The following MYO9A variants were observed in gnomAD, a reference collection of about 807,000 sequenced individuals.
MYO9A encodes myosin IXA.
MYO9A carries 103 observed loss-of-function variants against 293.3 expected under a neutral mutation model. The observed-to-expected ratio is 0.35, with a 90% confidence interval of 0.30 to 0.41. The LOEUF (loss-of-function observed/expected upper bound fraction) is 0.41. Among genes scored for constraint, MYO9A ranks in the 10% least tolerant of loss-of-function variants. The pLI is 1.00. For synonymous variants in MYO9A, 1,001 were observed against 1,035.7 expected (o/e 0.97, Z 0.64); for missense variants, 2,685 against 3,033.0 (o/e 0.89, Z 2.69).
intron 4 of MYO9A, among the ~76,000 whole-genome samples, chr15:72,024,265 AAGAT>A (rs2077593853): frequency 6.6e-6 from 1 of 152,202 alleles, no homozygotes; most frequent in Admixed American, 6.5e-5. Context: ...GTAAATATAA[AAGAT>A]AGTATAAATT....
At chr15:71,957,426 C>G (rs1054466560) in intron 14 of MYO9A, among the ~76,000 whole-genome samples, 5 of 152,032 alleles carry the variant, frequency 3.3e-5, no homozygotes, top group South Asian at 2.1e-4. Flanking sequence ...TATCCAAAAC[C>G]CTTATTCTTA....
intron 12 of MYO9A, among the ~76,000 whole-genome samples, chr15:71,973,112 C>G (rs1567334521): frequency 6.6e-6 from 1 of 152,186 alleles, no homozygotes; most frequent in Non-Finnish European, 1.5e-5. Flanking sequence ...TGAGCTCAGG[C>G]TGCTGGCCTC....
In MYO9A at chr15:72,006,848, G is replaced by T. The variant is rs1042166833; in HGVS notation, c.1380+978C>A. Among the ~76,000 whole-genome samples the T allele has an allele frequency of 4.6e-5, 7 of 152,166 alleles. No individual in the cohort carries two copies. In the East Asian group the frequency reaches 1.3e-3, roughly 29 times the overall value. ...AAGTCTGCAGGATTAAAGGCAGAAGGAATTGCTCATAAGCACTGTATTCTA... is the reference window on the plus strand; with the variant it reads ...AAGTCTGCAGGATTAAAGGCAGAAGTAATTGCTCATAAGCACTGTATTCTA... On this transcript the variant is annotated intron_variant, in intron 8 of 41. Transcript: ENST00000356056.
In MYO9A at chr15:71,898,360, G is replaced by A. The variant is rs2057391111; in HGVS notation, c.4143C>T (p.Ser1381=). The A allele has an allele frequency of 6.2e-7, 1 of 1,613,450 alleles. No homozygotes were observed. The change falls in exon 25 of 42, where the codon AGC becomes AGT. Residue 1381 remains serine, a synonymous_variant. Coordinates refer to ENST00000356056, the MANE Select transcript of MYO9A (RefSeq NM_006901.4). ...TTCCATCCTTCAAATGCTCTGCACTGCTAGTCTCATTTGAGGCACTGAGGG... is the reference window on the plus strand; with the variant it reads ...TTCCATCCTTCAAATGCTCTGCACTACTAGTCTCATTTGAGGCACTGAGGG... The part of the protein sequence containing the change: ...DNALSASNET[S]SAEHLKDGTM...
intron 11 of MYO9A, among the ~76,000 whole-genome samples, chr15:71,988,284 A>T (rs922724886): frequency 3.3e-5 from 5 of 152,220 alleles, no homozygotes; most frequent in African/African-American, 1.2e-4. Context: ...GACTGATTCA[A>T]TAGACATGGA....
chr15:72,029,516 G>T (rs939171922), intron 3 of MYO9A, among the ~76,000 whole-genome samples: 7 of 152,108 alleles, frequency 4.6e-5, no homozygotes, highest in African/African-American at 1.7e-4. Context: ...TAAAAATAGG[G>T]TATTAAAATC....
intron 28 of MYO9A, among the ~76,000 whole-genome samples, chr15:71,883,002 A>G (rs1174623477): frequency 6.6e-6 from 1 of 151,862 alleles, no homozygotes; most frequent in African/African-American, 2.4e-5. Context: ...ATGGGGTTTC[A>G]CTATGTGCCC....
chr15:72,116,628 A>C (rs897231075), intron 1 of MYO9A, among the ~76,000 whole-genome samples: 2 of 152,226 alleles, frequency 1.3e-5, no homozygotes, highest in African/African-American at 4.8e-5. Flanking sequence ...AAAACAGTGA[A>C]TCCAAAAAAA....
chr15:71,997,045 T>C (rs2076718204), intron 9 of MYO9A, among the ~76,000 whole-genome samples: 1 of 152,126 alleles, frequency 6.6e-6, no homozygotes, highest in Admixed American at 6.6e-5. Context: ...TGCCAAGATA[T>C]TAAGTCTGTA....
intron 18 of MYO9A, among the ~76,000 whole-genome samples, chr15:71,928,058 T>TATATATA (rs2058373166): frequency 1.6e-3 from 6 of 3,716 alleles, no homozygotes; most frequent in Admixed American, 3.1e-3. Context: ...ATATATATAT[T>TATATATA]TTTTTTTTTT....
At chr15:72,043,165 T>A (rs1303067426) in intron 2 of MYO9A, among the ~76,000 whole-genome samples, 1 of 152,152 alleles carries the variant, frequency 6.6e-6, no homozygotes, top group Non-Finnish European at 1.5e-5. Flanking sequence ...ACTGTATATC[T>A]ATATACTAGC....
intron 2 of MYO9A, among the ~76,000 whole-genome samples, chr15:72,042,927 G>A (rs974472333): frequency 5.9e-5 from 9 of 151,850 alleles, no homozygotes; most frequent in East Asian, 1.9e-4. Context: ...AAACACAGCC[G>A]AGCACAGCAA....
chr15:71,935,047 GT>G, intron 17 of MYO9A: 1 of 213,552 alleles, frequency 4.7e-6, no homozygotes, highest in Non-Finnish European at 9.2e-6. Context: ...TTCTCTGAAG[GT>G]AGGGCCTGTC....
chr15:72,081,722 C>T (rs970574785), intron 1 of MYO9A, among the ~76,000 whole-genome samples: 3 of 152,050 alleles, frequency 2.0e-5, no homozygotes, highest in African/African-American at 4.8e-5. Context: ...TTTTTGTACA[C>T]GGTGAAAGGA....
At chr15:72,054,374 A>G (rs796989288) in intron 1 of MYO9A, among the ~76,000 whole-genome samples, 8 of 152,326 alleles carry the variant, frequency 5.3e-5, no homozygotes, top group African/African-American at 1.9e-4. Flanking sequence ...AATCTGCTAC[A>G]AAGAAAGCAG....
chr15:72,100,489 G>C (rs78740871), intron 1 of MYO9A, among the ~76,000 whole-genome samples: 1 of 150,628 alleles, frequency 6.6e-6, no homozygotes, highest in Non-Finnish European at 1.5e-5. Flanking sequence ...GTCTCCGACC[G>C]GCCGCCATCC....
Position 71,902,950 on chromosome 15 carries a change from T to C in MYO9A, c.2991A>G (p.Gly997=). The change falls in exon 22 of 42, where the codon GGA becomes GGG. Residue 997 remains glycine (G), a synonymous_variant. Transcript: ENST00000356056. ...INLNPDNYQV[G]KTMVFLKEQE... is the part of the protein sequence containing the mutation. ...TACAGATTATATTTACCATGGTTTT[T>C]CCAACTTGATAATTATCTGGATTAA... The C allele has an allele frequency of 6.3e-7, 1 of 1,575,480 alleles. No individual in the cohort carries two copies. Among genetic ancestry groups the C allele is most frequent in the Non-Finnish European group, 8.7e-7 (1 of 1,151,868 alleles).
chr15:72,023,780 A>C (rs1423200579), intron 4 of MYO9A, among the ~76,000 whole-genome samples: 1 of 152,054 alleles, frequency 6.6e-6, no homozygotes, highest in East Asian at 1.9e-4. Context: ...CATAAAGAAT[A>C]CTTGAAAAAA....
At chr15:72,115,144 G>C (rs1380776888) in intron 1 of MYO9A, among the ~76,000 whole-genome samples, 1 of 152,192 alleles carries the variant, frequency 6.6e-6, no homozygotes, top group Non-Finnish European at 1.5e-5. Flanking sequence ...ACTAGAATAA[G>C]TTTTTTAAAG....
Sources: gnomAD v4.1 joint callset for allele counts (sites outside exome capture counted in the v4.1 genomes callset) on GRCh38, gnomAD v4.1.1 for gene constraint, MANE v1.5 for transcripts, NCBI Gene and HGNC (gene_info 2026-07-23, HGNC 2026-07-21) for gene names.